The following SLC25A44 variants were observed in gnomAD, a reference collection of about 807,000 sequenced individuals.
SLC25A44 encodes solute carrier family 25 member 44.
Under a neutral mutation model 29.9 loss-of-function variants are expected in SLC25A44, and 17 were observed. The observed-to-expected ratio is 0.57, with a 90% CI of 0.39 to 0.85. The LOEUF (loss-of-function observed/expected upper bound fraction) is 0.85, where lower values mean the gene tolerates loss of function less well. Ranked by LOEUF, SLC25A44 falls within the 40% of genes least tolerant of loss-of-function variation. The pLI is 0.00. For synonymous variants in SLC25A44, 140 were observed against 151.8 expected (o/e 0.92, Z 0.57); for missense variants, 302 against 398.4 (o/e 0.76, Z 2.06).
Position 156,210,411 on chromosome 1 carries a change from G to A in SLC25A44, c.925G>A (p.Val309Met). 1 of 1,586,934 alleles carries A rather than the reference G, an allele frequency of 6.3e-7. No homozygotes were observed. The highest frequency in any genetic ancestry group is 8.6e-7 in the Non-Finnish European group (1 of 1,167,578). ...LKKLSLRPEL[V>M]DSRHW ...GAAACTCAGCCTCCGACCTGAGCTG[G>A]TGGACTCGAGACACTGGTAACCAGT... is the stretch of plus-strand genomic sequence containing the variant. Residue 309 changes from valine to methionine, a missense_variant, in exon 4 of 4, where the codon GTG becomes ATG. Transcript: ENST00000359511.
intron 2 of SLC25A44, among the ~76,000 whole-genome samples, chr1:156,201,051 G>A (rs1490860460): frequency 2.6e-5 from 4 of 151,848 alleles, no homozygotes; most frequent in Non-Finnish European, 5.9e-5. Flanking sequence ...GGTCAGGCTG[G>A]TCTTGAGCTC....
At chr1:156,195,624 C>G (rs985276986) in intron 1 of SLC25A44, among the ~76,000 whole-genome samples, 1 of 152,208 alleles carries the variant, frequency 6.6e-6, no homozygotes, top group Non-Finnish European at 1.5e-5. Context: ...ATATCATATA[C>G]AGCATTGATA....
At chr1:156,205,866 A>C (rs1656896165) in intron 2 of SLC25A44, among the ~76,000 whole-genome samples, 1 of 152,224 alleles carries the variant, frequency 6.6e-6, no homozygotes, top group Non-Finnish European at 1.5e-5. Flanking sequence ...TGACCAGCTC[A>C]TGGTAGTCAC....
Position 156,212,698 on chromosome 1 carries a change from T to C in SLC25A44, c.*2267T>C. 4.1e-6 allele frequency: 1 copy of C among 245,428 alleles called. No homozygotes were observed. Among genetic ancestry groups the C allele is most frequent in the Non-Finnish European group, 8.1e-6 (1 of 122,916 alleles). 15.2% of individuals were successfully genotyped at this position (245,428 alleles called of 1,614,324 possible). ...ATGAAAAGGCAGACTCTCTGAACGTTTGATGAAATGGACTCTTGTGAAAAT... is the reference window on the plus strand; with the variant it reads ...ATGAAAAGGCAGACTCTCTGAACGTCTGATGAAATGGACTCTTGTGAAAAT... On this transcript the variant is annotated 3_prime_UTR_variant, in exon 4 of 4. Coordinates refer to ENST00000359511, the MANE Select transcript of SLC25A44 (RefSeq NM_014655.4).
At chr1:156,208,650 C>T (rs552127696) in intron 3 of SLC25A44, among the ~76,000 whole-genome samples, 14 of 152,244 alleles carry the variant, frequency 9.2e-5, no homozygotes, top group East Asian at 1.9e-4. Context: ...AGCCTATCAA[C>T]GACTCTTTCC....
intron 2 of SLC25A44, among the ~76,000 whole-genome samples, chr1:156,203,951 G>T (rs1160528293): frequency 1.3e-5 from 2 of 151,402 alleles, no homozygotes; most frequent in Middle Eastern, 3.4e-3. Flanking sequence ...TGATCCGCCC[G>T]CCTCGGCCTC....
In SLC25A44 at chr1:156,210,775, A is replaced by C. The variant is rs1256557648; in HGVS notation, c.*344A>C. The C allele has an allele frequency of 6.6e-6, 1 of 150,420 alleles. No homozygotes were observed. The highest frequency in any genetic ancestry group is 1.4e-5 in the Non-Finnish European group (1 of 72,502). The allele number at this position is 150,420 out of a possible 1,614,324, so 9.3% of individuals were successfully genotyped here. A position where few individuals can be genotyped will look rare whatever the true frequency, so the allele number is the denominator to read the frequency against. On this transcript the variant is annotated 3_prime_UTR_variant, in exon 4 of 4. Coordinates refer to ENST00000359511, the MANE Select transcript of SLC25A44 (RefSeq NM_014655.4). ...TGAGACCCTGAGAAGAGCTGTACAT[A>C]GAGCTTGCTTACTACCACTGGTTCT...
intron 2 of SLC25A44, among the ~76,000 whole-genome samples, chr1:156,203,859 A>G (rs1656747862): frequency 6.6e-6 from 1 of 151,610 alleles, no homozygotes; most frequent in Non-Finnish European, 1.5e-5. Context: ...ACATGCCACC[A>G]TGCCCAGCTA....
chr1:156,204,133 G>A (rs1271258225), intron 2 of SLC25A44, among the ~76,000 whole-genome samples: 2 of 150,926 alleles, frequency 1.3e-5, no homozygotes, highest in African/African-American at 2.4e-5. Context: ...TGAGCCTCCC[G>A]AGTAGCTGGG....
intron 1 of SLC25A44, among the ~76,000 whole-genome samples, chr1:156,195,324 C>T (rs960444585): frequency 7.9e-5 from 12 of 151,994 alleles, no homozygotes; most frequent in Admixed American, 2.0e-4. Context: ...AGGATGGTCT[C>T]GATCTCCTGA....
intron 1 of SLC25A44, chr1:156,199,154 G>T (rs1452705564): frequency 6.6e-6 from 1 of 152,266 alleles, no homozygotes; most frequent in African/African-American, 2.4e-5. Flanking sequence ...ACGGGAGAAA[G>T]TATCATAAAT....
At position 156,210,437 on chromosome 1, in the gene SLC25A44, G is replaced by C; in HGVS notation, c.*6G>C. 1.3e-6 allele frequency: 2 copies of C among 1,555,684 alleles called. No homozygotes were observed. The highest frequency in any genetic ancestry group is 2.3e-5 in the East Asian group (1 of 42,896). Reference sequence around the variant, plus strand: ...TGGACTCGAGACACTGGTAACCAGTGGTGGGGAGAGAAGCCTGCTGTTTTC... The same window carrying C: ...TGGACTCGAGACACTGGTAACCAGTCGTGGGGAGAGAAGCCTGCTGTTTTC... On this transcript the variant is annotated 3_prime_UTR_variant, in exon 4 of 4. Transcript: ENST00000359511.
At chr1:156,203,638 GA>G (rs1239934147) in intron 2 of SLC25A44, among the ~76,000 whole-genome samples, 1 of 149,984 alleles carries the variant, frequency 6.7e-6, no homozygotes, top group African/African-American at 2.5e-5. Flanking sequence ...GACTAATGGA[GA>G]AAAATGAAAG....
At chr1:156,199,452 C>CA (rs1284984025) in intron 1 of SLC25A44, 1 of 211,540 alleles carries the variant, frequency 4.7e-6, no homozygotes, top group African/African-American at 2.3e-5. Flanking sequence ...GTGAGCCAGA[C>CA]AAAAAGAATG....
At chr1:156,201,993 C>A (rs911510250) in intron 2 of SLC25A44, among the ~76,000 whole-genome samples, 1 of 152,248 alleles carries the variant, frequency 6.6e-6, no homozygotes, top group African/African-American at 2.4e-5. Flanking sequence ...CATGCATCAA[C>A]TTATGTCTAA....
intron 1 of SLC25A44, chr1:156,197,420 T>C (rs1656281250): frequency 6.6e-6 from 1 of 152,234 alleles, no homozygotes; most frequent in Non-Finnish European, 1.5e-5. Flanking sequence ...TCCAAGCCAT[T>C]GTTCTCTCTC....
intron 1 of SLC25A44, among the ~76,000 whole-genome samples, chr1:156,195,211 C>T (rs1441750435): frequency 2.6e-5 from 4 of 151,804 alleles, no homozygotes; most frequent in Non-Finnish European, 5.9e-5. Context: ...TCACACCATT[C>T]TCCTGCCTCA....
At chr1:156,202,311 C>G (rs897515520) in intron 2 of SLC25A44, among the ~76,000 whole-genome samples, 4 of 152,228 alleles carry the variant, frequency 2.6e-5, no homozygotes, top group African/African-American at 9.6e-5. Context: ...ACATACATCT[C>G]TAATGGACTG....
Position 156,207,947 on chromosome 1 carries a change from G to C in SLC25A44, c.687G>C (p.Gly229=), listed in dbSNP as rs764679157. ...CPHIVFQAVS[G]PLAAATASIL... is the part of the protein sequence containing the mutation. Reference sequence around the variant, plus strand: ...ACATTGTCTTTCAAGCTGTCTCGGGGCCCCTGGCTGCAGCCACTGCCTCCA... The same window carrying C: ...ACATTGTCTTTCAAGCTGTCTCGGGCCCCCTGGCTGCAGCCACTGCCTCCA... The change falls in exon 3 of 4, where the codon GGG becomes GGC. Residue 229 remains glycine, a synonymous_variant. Coordinates refer to ENST00000359511, the MANE Select transcript of SLC25A44 (RefSeq NM_014655.4). 1.2e-6 allele frequency: 2 copies of C among 1,614,090 alleles called. No individual in the cohort carries two copies. Among genetic ancestry groups the C allele is most frequent in the Non-Finnish European group, 1.7e-6 (2 of 1,179,990 alleles).
Sources: allele counts gnomAD v4.1 joint callset (sites outside exome capture counted in the v4.1 genomes callset), GRCh38; gene constraint gnomAD v4.1.1; transcripts MANE v1.5; gene names NCBI Gene and HGNC (gene_info 2026-07-23, HGNC 2026-07-21).